NKAIN3: variants seen among roughly 807,000 people sequenced by gnomAD.
NKAIN3 encodes the protein sodium/potassium-transporting ATPase subunit beta-1-interacting protein 3.
NKAIN3 carries 25 observed loss-of-function variants against 30.2 expected under a neutral mutation model. The observed-to-expected ratio is 0.83, with a 90% CI of 0.60 to 1.16. NKAIN3 has a LOEUF of 1.16. Ranked by LOEUF, NKAIN3 falls within the 50% of genes most tolerant of loss-of-function variation. The pLI is 0.00. For synonymous variants in NKAIN3, 91 were observed against 89.6 expected (o/e 1.02, Z -0.09); for missense variants, 225 against 254.1 (o/e 0.89, Z 0.78).
intron 1 of NKAIN3, among the ~76,000 whole-genome samples, chr8:62,575,573 C>T (rs1445542496): frequency 6.6e-6 from 1 of 151,996 alleles, no homozygotes; most frequent in Non-Finnish European, 1.5e-5. Flanking sequence ...TGCTCTCTAC[C>T]AAAATACCAA....
At chr8:62,564,339 G>A (rs1809680495) in intron 1 of NKAIN3, among the ~76,000 whole-genome samples, 1 of 152,054 alleles carries the variant, frequency 6.6e-6, no homozygotes, top group South Asian at 2.1e-4. Context: ...CCCTCAGCCA[G>A]AGTCCCACCC....
chr8:62,440,736 G>A (rs1327670846), intron 1 of NKAIN3, among the ~76,000 whole-genome samples: 2 of 150,170 alleles, frequency 1.3e-5, no homozygotes, highest in African/African-American at 2.4e-5. Flanking sequence ...GCTAACGACT[G>A]TGAAATACAG....
At chr8:62,939,352 T>C (rs1822883470) in intron 5 of NKAIN3, among the ~76,000 whole-genome samples, 1 of 152,176 alleles carries the variant, frequency 6.6e-6, no homozygotes. Context: ...TGAGGAAAAC[T>C]TTTCTGGCCT....
intron 4 of NKAIN3, among the ~76,000 whole-genome samples, chr8:62,899,477 A>G (rs566428182): frequency 6.6e-6 from 1 of 152,282 alleles, no homozygotes; most frequent in African/African-American, 2.4e-5. Context: ...TTCTAAGTGA[A>G]ATAAGCCAGG....
At chr8:62,475,626 T>A (rs1806493644) in intron 1 of NKAIN3, among the ~76,000 whole-genome samples, 1 of 152,158 alleles carries the variant, frequency 6.6e-6, no homozygotes, top group African/African-American at 2.4e-5. Context: ...GAATCCACCC[T>A]CAACTGACTG....
At chr8:62,569,078 A>T (rs1177972582) in intron 1 of NKAIN3, among the ~76,000 whole-genome samples, 1 of 152,186 alleles carries the variant, frequency 6.6e-6, no homozygotes, top group Non-Finnish European at 1.5e-5. Context: ...GTCGAACTGC[A>T]TCACAAGCAT....
chr8:62,412,784 T>A lies in NKAIN3; in HGVS notation c.54+163657T>A, dbSNP rs769844891. 5.8e-4 allele frequency among the ~76,000 whole-genome samples: 87 copies of A among 150,494 alleles called. No homozygotes were observed. The Middle Eastern group carries it at 0.017, about 30-fold the overall frequency. On this transcript the variant is annotated intron_variant, in intron 1 of 6. Coordinates refer to ENST00000623646, the MANE Select transcript of NKAIN3 (RefSeq NM_001304533.3). ...AAAATTAGCCGAGCATAGTGGTGGGTGCCTGTAGCCCCAGCTACTCGGGAG... is the reference window on the plus strand; with the variant it reads ...AAAATTAGCCGAGCATAGTGGTGGGAGCCTGTAGCCCCAGCTACTCGGGAG...
intron 4 of NKAIN3, among the ~76,000 whole-genome samples, chr8:62,768,825 A>C (rs975479458): frequency 2.6e-5 from 4 of 152,188 alleles, no homozygotes; most frequent in Non-Finnish European, 4.4e-5. Flanking sequence ...AATGCAGCAG[A>C]CTGTTATTTA....
chr8:62,749,823 C>CA (rs1189755556), intron 4 of NKAIN3, among the ~76,000 whole-genome samples: 3 of 151,608 alleles, frequency 2.0e-5, no homozygotes, highest in Admixed American at 2.0e-4. Flanking sequence ...GCTGGGACTA[C>CA]AGGTGCACGC....
intron 1 of NKAIN3, among the ~76,000 whole-genome samples, chr8:62,551,768 T>C (rs1029826996): frequency 6.6e-6 from 1 of 152,214 alleles, no homozygotes; most frequent in Admixed American, 6.5e-5. Flanking sequence ...GTGGGAAATA[T>C]GCAAAACATC....
chr8:62,398,686 T>C (rs1817841825), intron 1 of NKAIN3, among the ~76,000 whole-genome samples: 1 of 152,254 alleles, frequency 6.6e-6, no homozygotes, highest in Non-Finnish European at 1.5e-5. Flanking sequence ...TGTTCACTGT[T>C]AGCAGAGTGA....
intron 1 of NKAIN3, among the ~76,000 whole-genome samples, chr8:62,356,986 C>A (rs1816380730): frequency 6.6e-6 from 1 of 152,108 alleles, no homozygotes; most frequent in South Asian, 2.1e-4. Flanking sequence ...CCTGTAGTCC[C>A]AGCTACTTAG....
At chr8:62,620,551 C>T (rs888707028) in intron 3 of NKAIN3, among the ~76,000 whole-genome samples, 8 of 152,092 alleles carry the variant, frequency 5.3e-5, no homozygotes, top group African/African-American at 1.9e-4. Flanking sequence ...AATTTAGACC[C>T]AGACCTCCCC....
chr8:62,368,563 G>T (rs73684979), intron 1 of NKAIN3, among the ~76,000 whole-genome samples: 1 of 342 alleles, frequency 2.9e-3, no homozygotes. Flanking sequence ...ACAGCTAGCT[G>T]GGGAAGGGCA....
intron 4 of NKAIN3, among the ~76,000 whole-genome samples, chr8:62,888,984 T>C (rs1039237503): frequency 6.6e-6 from 1 of 152,186 alleles, no homozygotes; most frequent in Admixed American, 6.6e-5. Flanking sequence ...TAGCAAAAGT[T>C]TCTTAGACAA....
intron 1 of NKAIN3, among the ~76,000 whole-genome samples, chr8:62,254,248 C>CT (rs2129387216): frequency 6.7e-6 from 1 of 149,128 alleles, no homozygotes; most frequent in East Asian, 2.0e-4. Context: ...GTTTTAGATA[C>CT]TTTAAGATTC....
rs961714833 is a variant in NKAIN3 at position 62,969,106 on chromosome 8, G to A, written c.*3699G>A. ...TCTTACCACTTCAAATCTGGGAGGT[G>A]GTTGGCTCATTTGTTTTGAAGATAC... On this transcript the variant is annotated 3_prime_UTR_variant, in exon 7 of 7. Transcript: ENST00000623646. Among the ~76,000 whole-genome samples the A allele has an allele frequency of 6.6e-6, 1 of 152,184 alleles. No individual in the cohort carries two copies. Among genetic ancestry groups the A allele is most frequent in the East Asian group, 1.9e-4 (1 of 5,198 alleles).
At position 62,248,943 on chromosome 8, in the gene NKAIN3, G is replaced by T; in HGVS notation, c.-131G>T. 1 of 781,264 alleles carries T rather than the reference G, an allele frequency of 1.3e-6. No individual in the cohort carries two copies. The highest frequency in any genetic ancestry group is 1.9e-6 in the Non-Finnish European group (1 of 518,266). 48.4% of individuals were successfully genotyped at this position (781,264 alleles called of 1,614,324 possible). ...GCGGGCGCGAGCCCCGAGCCCTGGA[G>T]CCGCGAGCGGCGGCCGCGGGGCCGA... On this transcript the variant is annotated 5_prime_UTR_variant, in exon 1 of 7. Coordinates refer to ENST00000623646, the MANE Select transcript of NKAIN3 (RefSeq NM_001304533.3).
chr8:62,823,270 C>T (rs950796642), intron 4 of NKAIN3, among the ~76,000 whole-genome samples: 2 of 152,144 alleles, frequency 1.3e-5, no homozygotes, highest in Non-Finnish European at 2.9e-5. Context: ...CCATTATAAT[C>T]TTATGGTACC....
Sources: allele counts gnomAD v4.1 joint callset (sites outside exome capture counted in the v4.1 genomes callset), GRCh38; gene constraint gnomAD v4.1.1; transcripts MANE v1.5; gene names NCBI Gene and HGNC (gene_info 2026-07-23, HGNC 2026-07-21).